The following NBAS variants were observed in gnomAD, a reference collection of about 807,000 sequenced individuals.
The protein encoded by NBAS is NBAS subunit of NRZ tethering complex, also known as NAG/BC035112 fusion.
A neutral mutation model predicts 302.5 loss-of-function variants in NBAS; 219 were observed. The ratio of observed to expected loss-of-function variants is 0.72; its 90% CI spans 0.65 to 0.81. The LOEUF is 0.81. Among genes scored for constraint, NBAS ranks in the 30% least tolerant of loss-of-function variants. NBAS has a pLI of 0.00. For missense variants in NBAS, 2,932 were observed against 2,841.6 expected (o/e 1.03, Z -0.72); for synonymous variants, 1,118 against 1,021.6 (o/e 1.09, Z -1.80).
intron 2 of NBAS, among the ~76,000 whole-genome samples, chr2:15,557,364 T>G (rs1664696503): frequency 6.6e-6 from 1 of 152,148 alleles, no homozygotes; most frequent in Non-Finnish European, 1.5e-5. Flanking sequence ...GAAAAATATC[T>G]AAAGAATAAC....
chr2:14,977,874 T>A, the NBAS span, among the ~76,000 whole-genome samples: 4 of 152,324 alleles, frequency 2.6e-5, no homozygotes, highest in East Asian at 1.9e-4. Context: ...TTGTTTTTTT[T>A]TAAGTTGGCC....
At chr2:15,373,332 G>A (rs535158403) in intron 31 of NBAS, among the ~76,000 whole-genome samples, 1 of 152,264 alleles carries the variant, frequency 6.6e-6, no homozygotes, top group Non-Finnish European at 1.5e-5. Flanking sequence ...CCTCTTTTGA[G>A]TCTAATAAGT....
Position 15,216,103 on chromosome 2 carries a change from T to C in NBAS, c.6432+2670A>G, listed in dbSNP as rs534331677. Reference sequence around the variant, plus strand: ...CTTCAAAATAGATTTCAATCAGTAATGCCAGACAGACATCTTTACTTTCTA... The same window carrying C: ...CTTCAAAATAGATTTCAATCAGTAACGCCAGACAGACATCTTTACTTTCTA... On this transcript the variant is annotated intron_variant, in intron 48 of 51. Coordinates refer to ENST00000281513, the MANE Select transcript of NBAS (RefSeq NM_015909.4). 3.3e-5 allele frequency among the ~76,000 whole-genome samples: 5 copies of C among 152,296 alleles called. No homozygotes were observed. The East Asian group carries it at 7.7e-4, about 24-fold the overall frequency.
intron 21 of NBAS, among the ~76,000 whole-genome samples, chr2:15,446,863 A>C (rs1231281850): frequency 6.9e-6 from 1 of 144,804 alleles, no homozygotes. Flanking sequence ...GTCTACTATA[A>C]ACCCTAGAGC....
chr2:15,247,259 C>G (rs1451486299), intron 44 of NBAS, among the ~76,000 whole-genome samples: 1 of 152,120 alleles, frequency 6.6e-6, no homozygotes, highest in East Asian at 1.9e-4. Context: ...AAAGAAACAA[C>G]CAGTACCAGC....
chr2:15,246,553 T>C (rs944498504), intron 44 of NBAS, among the ~76,000 whole-genome samples: 1 of 152,228 alleles, frequency 6.6e-6, no homozygotes, highest in Non-Finnish European at 1.5e-5. Flanking sequence ...TGGTTCAGAA[T>C]GCTCCAAAAT....
the NBAS span, among the ~76,000 whole-genome samples, chr2:14,784,828 T>C: frequency 1.3e-5 from 2 of 152,200 alleles, no homozygotes; most frequent in Non-Finnish European, 2.9e-5. Context: ...ATATGAACTT[T>C]AAAGCAGTTT....
chr2:15,138,762 G>T, the NBAS span, among the ~76,000 whole-genome samples: 8 of 152,194 alleles, frequency 5.3e-5, no homozygotes, highest in East Asian at 1.4e-3. Context: ...GACTCTGAAT[G>T]TATCAGTTTT....
At chr2:14,994,767 A>G in the NBAS span, among the ~76,000 whole-genome samples, 1 of 152,186 alleles carries the variant, frequency 6.6e-6, no homozygotes, top group Non-Finnish European at 1.5e-5. Context: ...GCCAGGAACA[A>G]GGCTGTCTTC....
chr2:15,476,606 A>G (rs1680203322), intron 13 of NBAS, among the ~76,000 whole-genome samples: 1 of 152,032 alleles, frequency 6.6e-6, no homozygotes, highest in African/African-American at 2.4e-5. Context: ...CTGTAGTTCC[A>G]ACTACTGGGG....
At chr2:15,201,531 G>GT (rs1317761700) in intron 48 of NBAS, among the ~76,000 whole-genome samples, 2 of 152,102 alleles carry the variant, frequency 1.3e-5, no homozygotes, top group Admixed American at 1.3e-4. Context: ...TCTTAGACCA[G>GT]TGCTTGGCAC....
At chr2:15,498,600 T>C (rs1472354792) in intron 11 of NBAS, among the ~76,000 whole-genome samples, 5 of 152,150 alleles carry the variant, frequency 3.3e-5, no homozygotes, top group African/African-American at 4.8e-5. Flanking sequence ...GGTTTGGATC[T>C]GCGTCCCCAC....
chr2:14,833,376 G>C, the NBAS span, among the ~76,000 whole-genome samples: 148 of 152,238 alleles, frequency 9.7e-4, no homozygotes, highest in Non-Finnish European at 1.8e-3. Context: ...GAGATCACAT[G>C]TGACAGATCT....
chr2:14,960,134 G>T, the NBAS span, among the ~76,000 whole-genome samples: 1 of 152,194 alleles, frequency 6.6e-6, no homozygotes, highest in Admixed American at 6.5e-5. Context: ...AAGTGTAAGA[G>T]ATGAGGCTGT....
At chr2:15,537,308 A>G (rs1019409844) in intron 7 of NBAS, among the ~76,000 whole-genome samples, 11 of 152,228 alleles carry the variant, frequency 7.2e-5, no homozygotes, top group Admixed American at 5.9e-4. Context: ...TCATCCCTGG[A>G]AACCAGAAGT....
intron 25 of NBAS, among the ~76,000 whole-genome samples, chr2:15,410,355 C>G (rs188918020): frequency 6.6e-6 from 1 of 152,112 alleles, no homozygotes; most frequent in Non-Finnish European, 1.5e-5. Context: ...TTATTCTAAC[C>G]GTTAGCAAGA....
chr2:15,554,191 T>C (rs1664531805), intron 3 of NBAS, 53 bp from the exon 4 acceptor site: 3 of 1,393,838 alleles, frequency 2.2e-6, no homozygotes, highest in African/African-American at 1.4e-5. Flanking sequence ...AAACCACATA[T>C]ATGCAGACAA....
chr2:15,339,728 G>A (rs1672759889), intron 35 of NBAS, among the ~76,000 whole-genome samples: 1 of 152,164 alleles, frequency 6.6e-6, no homozygotes, highest in African/African-American at 2.4e-5. Flanking sequence ...GTGTGGCTGG[G>A]TGAGAACACC....
At chr2:15,497,423 T>C (rs1219058433) in intron 11 of NBAS, among the ~76,000 whole-genome samples, 1 of 152,132 alleles carries the variant, frequency 6.6e-6, no homozygotes, top group Non-Finnish European at 1.5e-5. Context: ...ATGATACTGG[T>C]AGCAAAGGTG....
Sources: allele counts gnomAD v4.1 joint callset (sites outside exome capture counted in the v4.1 genomes callset), GRCh38; gene constraint gnomAD v4.1.1; transcripts MANE v1.5; gene names NCBI Gene and HGNC (gene_info 2026-07-23, HGNC 2026-07-21).